The following ZNF37A variants were observed in gnomAD, a reference collection of about 807,000 sequenced individuals.
ZNF37A encodes the protein zinc finger protein 37a (KOX 21).
Under a neutral mutation model 12.3 loss-of-function variants are expected in ZNF37A, and 10 were observed. The observed-to-expected ratio is 0.82, with a 90% confidence interval of 0.50 to 1.38. ZNF37A has a LOEUF of 1.38. Among genes scored for constraint, ZNF37A ranks in the 40% most tolerant of loss-of-function variants. The pLI, the probability that ZNF37A is intolerant of heterozygous loss-of-function variation, is 0.00. For missense variants in ZNF37A, 580 were observed against 651.2 expected, an observed-to-expected ratio of 0.89 and a Z score of 1.19; for synonymous variants, 207 against 223.0, an observed-to-expected ratio of 0.93 and a Z score of 0.64.
chr10:38,114,367 T>C (rs1243501739), intron 5 of ZNF37A, among the ~76,000 whole-genome samples: 2 of 152,238 alleles, frequency 1.3e-5, no homozygotes, highest in East Asian at 3.8e-4. Context: ...GATCCATCTG[T>C]GTTACACATA....
intron 7 of ZNF37A, chr10:38,143,679 G>A (rs1173905039): frequency 6.6e-6 from 1 of 152,240 alleles, no homozygotes; most frequent in Non-Finnish European, 1.5e-5. Flanking sequence ...CTGTTGTCAA[G>A]AATGGCAGAC....
At chr10:38,130,605 G>A (rs1290025145) in intron 7 of ZNF37A, among the ~76,000 whole-genome samples, 1 of 151,846 alleles carries the variant, frequency 6.6e-6, no homozygotes, top group Non-Finnish European at 1.5e-5. Context: ...GGATTACAGG[G>A]GTGCACCACC....
chr10:38,136,680 T>A (rs1009808613), intron 7 of ZNF37A, among the ~76,000 whole-genome samples: 1 of 152,206 alleles, frequency 6.6e-6, no homozygotes, highest in Non-Finnish European at 1.5e-5. Flanking sequence ...ACTTGTAGAT[T>A]CATCTTTTTG....
downstream of ZNF37A, among the ~76,000 whole-genome samples, chr10:38,130,278 T>A (rs1345402940): frequency 6.6e-6 from 1 of 152,222 alleles, no homozygotes; most frequent in Admixed American, 6.5e-5. Flanking sequence ...ATTCATCTGT[T>A]CATGGGCACA....
intron 5 of ZNF37A, among the ~76,000 whole-genome samples, chr10:38,099,558 GAAT>G (rs2067399099): frequency 6.6e-6 from 1 of 152,174 alleles, no homozygotes; most frequent in Non-Finnish European, 1.5e-5. Context: ...TAACTGTTGT[GAAT>G]AATGTTACTG....
At chr10:38,134,467 G>A (rs531424879) in intron 7 of ZNF37A, among the ~76,000 whole-genome samples, 1 of 152,152 alleles carries the variant, frequency 6.6e-6, no homozygotes, top group African/African-American at 2.4e-5. Context: ...TACAGATGGC[G>A]TTTTGGTGTG....
At position 38,118,907 on chromosome 10, in the gene ZNF37A, A is replaced by G; in HGVS notation, c.*70A>G. 2.7e-6 allele frequency: 4 copies of G among 1,493,788 alleles called. No individual in the cohort carries two copies. Among genetic ancestry groups the G allele is most frequent in the Non-Finnish European group, 2.7e-6 (3 of 1,125,186 alleles). 92.5% of individuals were successfully genotyped at this position (1,493,788 alleles called of 1,614,324 possible). ...CTGTTAATATAATGATAATGAGAAC[A>G]CCTTTGCCCTGAAGTCAGTTCTCAC... On this transcript the variant is annotated 3_prime_UTR_variant, in exon 8 of 8. Coordinates refer to ENST00000685332, the MANE Select transcript of ZNF37A (RefSeq NM_001324250.3).
chr10:38,103,627 A>G (rs2135910182), intron 5 of ZNF37A, among the ~76,000 whole-genome samples: 1 of 152,194 alleles, frequency 6.6e-6, no homozygotes, highest in Non-Finnish European at 1.5e-5. Context: ...TTTATTGAAA[A>G]CTGAACATTT....
chr10:38,126,463 C>A (rs1297594373), downstream of ZNF37A, among the ~76,000 whole-genome samples: 2 of 152,182 alleles, frequency 1.3e-5, no homozygotes, highest in African/African-American at 4.8e-5. Context: ...AGACTGACAG[C>A]ATCCACAATA....
intron 5 of ZNF37A, among the ~76,000 whole-genome samples, chr10:38,103,453 G>A (rs1351609586): frequency 6.6e-6 from 1 of 151,834 alleles, no homozygotes; most frequent in African/African-American, 2.4e-5. Context: ...GTTTCTGTTA[G>A]TTCTTTGTCT....
chr10:38,114,867 A>G lies in ZNF37A; in HGVS notation c.128A>G (p.His43Arg), dbSNP rs1345061108. Residue 43 changes from histidine to arginine, a missense_variant, in exon 6 of 8, where the codon CAC becomes CGC. Coordinates refer to ENST00000685332, the MANE Select transcript of ZNF37A (RefSeq NM_001324250.3). ...YRDVMLENYS[H>R]LVSVGYCIPK... ...GATGTGATGCTGGAGAACTACAGCCACCTTGTCTCAGTAGGTAGGTAGGAA... is the reference window on the plus strand; with the variant it reads ...GATGTGATGCTGGAGAACTACAGCCGCCTTGTCTCAGTAGGTAGGTAGGAA... 3 of 1,612,590 alleles carry G rather than the reference A, an allele frequency of 1.9e-6. No individual in the cohort carries two copies. Among genetic ancestry groups the G allele is most frequent in the Non-Finnish European group, 2.5e-6 (3 of 1,179,440 alleles).
At chr10:38,110,118 C>A (rs942689342) in intron 5 of ZNF37A, among the ~76,000 whole-genome samples, 1 of 152,196 alleles carries the variant, frequency 6.6e-6, no homozygotes, top group Non-Finnish European at 1.5e-5. Context: ...GTAACCAAAA[C>A]AGCATGGTAC....
intron 6 of ZNF37A, 82 bp from the exon 7 acceptor site, chr10:38,115,113 G>GTA: frequency 2.8e-6 from 3 of 1,062,036 alleles, no homozygotes; most frequent in Non-Finnish European, 4.1e-6. Context: ...GTGTGTGTGT[G>GTA]TGTACTGTTT....
chr10:38,102,218 C>T (rs1050265386), intron 5 of ZNF37A, among the ~76,000 whole-genome samples: 2 of 152,046 alleles, frequency 1.3e-5, no homozygotes, highest in African/African-American at 4.8e-5. Context: ...GGACTTATGC[C>T]ATTTTGCTAT....
chr10:38,113,368 A>G (rs2068985491), intron 5 of ZNF37A, among the ~76,000 whole-genome samples: 1 of 151,724 alleles, frequency 6.6e-6, no homozygotes, highest in African/African-American at 2.4e-5. Context: ...GTCCACAGTC[A>G]GGCATGGCTA....
At chr10:38,105,812 AT>A (rs1246683356) in intron 5 of ZNF37A, among the ~76,000 whole-genome samples, 2 of 152,116 alleles carry the variant, frequency 1.3e-5, no homozygotes, top group Non-Finnish European at 1.5e-5. Flanking sequence ...TTGTTGGAGT[AT>A]TTTTTTTAAA....
At chr10:38,113,580 A>G (rs2069003207) in intron 5 of ZNF37A, among the ~76,000 whole-genome samples, 1 of 152,030 alleles carries the variant, frequency 6.6e-6, no homozygotes, top group South Asian at 2.1e-4. Context: ...CCCTCCTGCA[A>G]CACCCACCCT....
chr10:38,096,673 T>C, intron 5 of ZNF37A, 41 bp downstream of exon 5: 1 of 1,597,138 alleles, frequency 6.3e-7, no homozygotes, highest in Non-Finnish European at 8.6e-7. Context: ...TAAAAGTAAT[T>C]ATTGAGGTTT....
In ZNF37A at chr10:38,117,854, A is replaced by G; in HGVS notation, c.703A>G (p.Arg235Gly). ...GAAGTTAAATCTCACTCCAATTCAG[A>G]GAACCCACTCAATTAACAATATTAT... ...SQKLNLTPIQ[R>G]THSINNIIEY... The change falls in exon 8 of 8, where the codon AGA (arginine) becomes GGA (glycine). Residue 235 changes from arginine (R) to glycine (G), a missense_variant. Arg to Gly is a moderately radical substitution (Grantham distance 125, BLOSUM62 -2). Coordinates refer to ENST00000685332, the MANE Select transcript of ZNF37A (RefSeq NM_001324250.3). 1 of 1,614,070 alleles carries G rather than the reference A, an allele frequency of 6.2e-7. No homozygotes were observed. The highest frequency in any genetic ancestry group is 8.5e-7 in the Non-Finnish European group (1 of 1,180,002).
Sources: allele counts gnomAD v4.1 joint callset (sites outside exome capture counted in the v4.1 genomes callset), GRCh38; gene constraint gnomAD v4.1.1; transcripts MANE v1.5; gene names NCBI Gene and HGNC (gene_info 2026-07-23, HGNC 2026-07-21).